MYO5B: variants seen among roughly 807,000 people sequenced by gnomAD.
The protein encoded by MYO5B is myosin VB.
In MYO5B, 143 loss-of-function variants were observed where a neutral mutation model predicts 229.3. That is an observed-to-expected ratio of 0.62 (90% CI 0.54 to 0.72). The LOEUF is 0.72. Ranked by LOEUF, MYO5B falls within the 30% of genes least tolerant of loss-of-function variation. The probability of loss-of-function intolerance (pLI) is 0.00; values close to 1 mark genes in which losing one functional copy is unlikely to be tolerated. For synonymous variants in MYO5B, 918 were observed against 885.2 expected, an observed-to-expected ratio of 1.04 and a Z score of -0.66; for missense variants, 2,321 against 2,331.0, an observed-to-expected ratio of 1.00 and a Z score of 0.09.
rs80099498 is a variant in MYO5B, at chr18:50,025,146, A to G, written c.455+11704T>C. ...TAGATAACAACTTGAATATTAAAAAACATTTTCCATTTAAGATTTTCTTTC... is the reference window on the plus strand; with the variant it reads ...TAGATAACAACTTGAATATTAAAAAGCATTTTCCATTTAAGATTTTCTTTC... On this transcript the variant is annotated intron_variant, in intron 4 of 39. Transcript: ENST00000285039. Among the ~76,000 whole-genome samples the G allele has an allele frequency of 9.3e-3, 1,411 of 152,266 alleles. 19 individuals are homozygous for G. Among genetic ancestry groups the G allele is most frequent in the African/African-American group, 0.031 (1,301 of 41,548 alleles).
intron 1 of MYO5B, among the ~76,000 whole-genome samples, chr18:50,063,376 CT>C (rs2030736943): frequency 6.6e-6 from 1 of 152,184 alleles, no homozygotes; most frequent in African/African-American, 2.4e-5. Flanking sequence ...CCAGAGCCAC[CT>C]AAGTAACTAA....
chr18:49,950,856 T>C (rs2025423727), intron 14 of MYO5B, among the ~76,000 whole-genome samples: 1 of 152,214 alleles, frequency 6.6e-6, no homozygotes, highest in Non-Finnish European at 1.5e-5. Flanking sequence ...GCATCTGCTA[T>C]CCTTAGAAAG....
chr18:49,833,074 A>G (rs16951101), intron 39 of MYO5B, among the ~76,000 whole-genome samples: 13,241 of 152,222 alleles, frequency 0.087, 697 homozygotes, highest in African/African-American at 0.15. Flanking sequence ...GTGACAGTAG[A>G]CTTCACTACC....
intron 1 of MYO5B, among the ~76,000 whole-genome samples, chr18:50,093,006 A>T (rs1376581482): frequency 6.6e-6 from 1 of 152,242 alleles, no homozygotes; most frequent in Admixed American, 6.5e-5. Context: ...ATGCAGAGAA[A>T]CTTTCAATAT....
At chr18:50,142,112 A>G (rs1245013882) in intron 1 of MYO5B, among the ~76,000 whole-genome samples, 7 of 152,206 alleles carry the variant, frequency 4.6e-5, no homozygotes. Flanking sequence ...GTCAGGATCA[A>G]CTGGGTTCTG....
At chr18:49,923,973 T>C (rs1198952320) in intron 17 of MYO5B, among the ~76,000 whole-genome samples, 1 of 152,280 alleles carries the variant, frequency 6.6e-6, no homozygotes, top group East Asian at 1.9e-4. Flanking sequence ...CTCTGCACTG[T>C]ACAGCACAGG....
chr18:50,056,440 C>G (rs532623760), intron 1 of MYO5B, among the ~76,000 whole-genome samples: 1 of 152,178 alleles, frequency 6.6e-6, no homozygotes, highest in Non-Finnish European at 1.5e-5. Context: ...GCTGTCAGAA[C>G]AATTTCTGCA....
chr18:50,029,026 T>C (rs1230699385), intron 4 of MYO5B, among the ~76,000 whole-genome samples: 1 of 152,246 alleles, frequency 6.6e-6, no homozygotes, highest in Non-Finnish European at 1.5e-5. Context: ...AATATCCATT[T>C]ACTATCAGTT....
chr18:49,962,844 C>A lies in MYO5B; in HGVS notation c.1404+105G>T, dbSNP rs143773750. The stretch of plus-strand genomic sequence containing the variant: ...CCAGGAAAACCAAGGGATATCAGAA[C>A]GTAGCCAGGGCCCACCCACCTCAGA... On this transcript the variant is annotated intron_variant, in intron 11 of 39. Coordinates refer to ENST00000285039, the MANE Select transcript of MYO5B (RefSeq NM_001080467.3). 8,011 of 969,592 alleles carry A rather than the reference C, an allele frequency of 8.3e-3. 58 individuals carry two copies. Among genetic ancestry groups the A allele is most frequent in the Non-Finnish European group, 0.011 (6,488 of 593,348 alleles). The allele number at this position is 969,592 out of a possible 1,614,324, so 60.1% of individuals were successfully genotyped here.
chr18:49,937,281 G>T lies in MYO5B; in HGVS notation c.1869C>A (p.Val623=). 1 of 1,614,166 alleles carries T rather than the reference G, an allele frequency of 6.2e-7. No individual in the cohort carries two copies. The highest frequency in any genetic ancestry group is 2.2e-5 in the East Asian group (1 of 44,888). Residue 623 remains valine (V), a synonymous_variant, in exon 15 of 40, where the codon GTC becomes GTA. Transcript: ENST00000285039. ...SVRSARPPMK[V]SNKEHKKTVG... is the part of the protein sequence containing the mutation. ...CGGTTTTCTTGTGCTCCTTGTTGGA[G>T]ACTTTCATGGGGGGTCTGGCAGAAC...
intron 38 of MYO5B, among the ~76,000 whole-genome samples, chr18:49,835,707 A>G (rs1480807027): frequency 1.3e-5 from 2 of 152,230 alleles, no homozygotes; most frequent in Non-Finnish European, 2.9e-5. Flanking sequence ...TGAGGAGTTT[A>G]GAATGCAGTT....
At chr18:49,998,046 C>T (rs906294343) in intron 5 of MYO5B, among the ~76,000 whole-genome samples, 5 of 151,862 alleles carry the variant, frequency 3.3e-5, no homozygotes, top group African/African-American at 9.7e-5. Context: ...AGTCGACTTA[C>T]GAAAAGTCGT....
At chr18:50,074,804 C>T (rs1430818162) in intron 1 of MYO5B, among the ~76,000 whole-genome samples, 1 of 152,146 alleles carries the variant, frequency 6.6e-6, no homozygotes, top group South Asian at 2.1e-4. Flanking sequence ...AGATTGGAGA[C>T]CCATGGTTTT....
chr18:50,077,191 A>AAAAAAAAAAAAC (rs2031102797), intron 1 of MYO5B, among the ~76,000 whole-genome samples: 1 of 149,262 alleles, frequency 6.7e-6, no homozygotes, highest in Non-Finnish European at 1.5e-5. Flanking sequence ...AAAAAAAAAA[A>AAAAAAAAAAAAC]AAGACAACTT....
At chr18:49,970,553 G>A (rs2025680022) in intron 10 of MYO5B, among the ~76,000 whole-genome samples, 1 of 152,186 alleles carries the variant, frequency 6.6e-6, no homozygotes, top group African/African-American at 2.4e-5. Context: ...TACGATGCTG[G>A]CGTGTGTACT....
chr18:50,041,500 A>G (rs1216695245), intron 2 of MYO5B, among the ~76,000 whole-genome samples: 1 of 152,224 alleles, frequency 6.6e-6, no homozygotes, highest in Non-Finnish European at 1.5e-5. Context: ...AAACACTAGC[A>G]CATACAGAAA....
intron 1 of MYO5B, among the ~76,000 whole-genome samples, chr18:50,066,834 G>T (rs553558086): frequency 1.3e-5 from 2 of 152,134 alleles, no homozygotes; most frequent in Non-Finnish European, 2.9e-5. Flanking sequence ...ATTTGGAACC[G>T]AATCATTCTC....
intron 27 of MYO5B, among the ~76,000 whole-genome samples, chr18:49,866,320 C>T (rs527287709): frequency 7.2e-5 from 11 of 152,190 alleles, no homozygotes; most frequent in African/African-American, 2.2e-4. Context: ...CCGCCCACCT[C>T]GGCCTCCCAA....
At chr18:50,115,188 G>C (rs1030243131) in intron 1 of MYO5B, among the ~76,000 whole-genome samples, 3 of 152,134 alleles carry the variant, frequency 2.0e-5, no homozygotes, top group Admixed American at 2.0e-4. Context: ...TGATCCCCAA[G>C]GTGGGCAGCC....
Sources: allele counts gnomAD v4.1 joint callset (sites outside exome capture counted in the v4.1 genomes callset), GRCh38; gene constraint gnomAD v4.1.1; transcripts MANE v1.5; gene names NCBI Gene and HGNC (gene_info 2026-07-23, HGNC 2026-07-21).